Variants in DOCK10 observed in about 807,000 individuals in gnomAD.
DOCK10 encodes the protein dedicator of cytokinesis protein 10.
DOCK10 carries 145 observed loss-of-function variants against 280.1 expected under a neutral mutation model. That is an observed-to-expected ratio of 0.52 (90% CI 0.45 to 0.59). The LOEUF is 0.59. Among genes scored for constraint, DOCK10 ranks in the 20% least tolerant of loss-of-function variants. The probability of loss-of-function intolerance (pLI) is 0.00; values close to 1 mark genes in which losing one functional copy is unlikely to be tolerated. For synonymous variants in DOCK10, 915 were observed against 942.2 expected (o/e 0.97, Z 0.53); for missense variants, 2,368 against 2,651.7 (o/e 0.89, Z 2.35).
rs777865939 is a variant in DOCK10 at position 224,787,105 on chromosome 2, G to A, written c.5572C>T (p.Arg1858Trp). 15 of 1,613,792 alleles carry A rather than the reference G, an allele frequency of 9.3e-6. No individual in the cohort carries two copies. In the Middle Eastern group the frequency reaches 6.6e-4, roughly 71 times the overall value. ...KLSDLYYDIH[R>W]SYLKVAEVVN... ...ACCTCTGCCACTTTCAGATATGACCGATGAATGTCGTAGTAGAGATCTGAC... is the reference window on the plus strand; with the variant it reads ...ACCTCTGCCACTTTCAGATATGACCAATGAATGTCGTAGTAGAGATCTGAC... The change falls in exon 50 of 56, where the codon CGG (arginine) becomes TGG (tryptophan). Residue 1858 changes from arginine (R) to tryptophan (W), a missense_variant. This residue lies in a region of DOCK10 where 1,159 missense variants were observed against 1,400.8 expected (regional missense o/e 0.83). Coordinates refer to ENST00000258390, the MANE Select transcript of DOCK10 (RefSeq NM_014689.3).
intron 1 of DOCK10, among the ~76,000 whole-genome samples, chr2:224,989,639 TC>T (rs1232161731): frequency 6.6e-6 from 1 of 152,180 alleles, no homozygotes; most frequent in Non-Finnish European, 1.5e-5. Context: ...AGAATCTTCT[TC>T]CGTGTCTGTT....
chr2:224,870,814 C>CCTTTTTTTTT (rs1559614196), intron 11 of DOCK10, among the ~76,000 whole-genome samples: 3 of 106,476 alleles, frequency 2.8e-5, no homozygotes, highest in African/African-American at 1.1e-4. Context: ...ATGGCCACTC[C>CCTTTTTTTTT]ATTTTTTTTT....
At chr2:224,894,196 T>G (rs933433570) in intron 4 of DOCK10, among the ~76,000 whole-genome samples, 3 of 152,224 alleles carry the variant, frequency 2.0e-5, no homozygotes, top group African/African-American at 7.2e-5. Flanking sequence ...TCTTGCAAAC[T>G]ATGAGAATTG....
chr2:224,921,817 C>A (rs919344313), intron 2 of DOCK10, among the ~76,000 whole-genome samples: 1 of 152,026 alleles, frequency 6.6e-6, no homozygotes, highest in African/African-American at 2.4e-5. Context: ...AGTGCAAGGA[C>A]AGCCAGGCGC....
intron 1 of DOCK10, among the ~76,000 whole-genome samples, chr2:224,955,400 T>C (rs1284520463): frequency 6.6e-6 from 1 of 152,188 alleles, no homozygotes; most frequent in Admixed American, 6.5e-5. Context: ...TAAGCAATTT[T>C]GAGAAGGAAA....
chr2:224,825,462 A>G (rs1412408939), intron 27 of DOCK10, among the ~76,000 whole-genome samples: 1 of 152,244 alleles, frequency 6.6e-6, no homozygotes, highest in Non-Finnish European at 1.5e-5. Context: ...AACTTGGGTA[A>G]TAAAGGTAAA....
intron 1 of DOCK10, among the ~76,000 whole-genome samples, chr2:225,015,527 T>A (rs1195850367): frequency 6.6e-6 from 1 of 152,126 alleles, no homozygotes; most frequent in Non-Finnish European, 1.5e-5. Context: ...AGTCTGTGCC[T>A]CCCCACTCTC....
intron 3 of DOCK10, among the ~76,000 whole-genome samples, chr2:224,910,077 T>C (rs1700924024): frequency 6.6e-6 from 1 of 152,218 alleles, no homozygotes; most frequent in African/African-American, 2.4e-5. Context: ...ACTAGATTCT[T>C]GCCAATCTGT....
rs745695619 is a variant in DOCK10 at position 224,837,800 on chromosome 2, C to G, written c.2812G>C (p.Glu938Gln). The G allele has an allele frequency of 5.6e-6, 9 of 1,613,832 alleles. No homozygotes were observed. The South Asian group carries it at 9.9e-5, about 18-fold the overall frequency. Residue 938 changes from glutamate (E) to glutamine (Q), a missense_variant, in exon 25 of 56, where the codon GAG becomes CAG. Physicochemically the swap from Glu to Gln is conservative, Grantham distance 29. Coordinates refer to ENST00000258390, the MANE Select transcript of DOCK10 (RefSeq NM_014689.3). The part of the protein sequence containing the change: ...VLTDIVAKCH[E>Q]EQLDHSVQSY... ...TGGACAGAATGATCCAGCTGCTCCT[C>G]ATGGCACTTGGCCACAATGTCGGTC...
Position 224,778,263 on chromosome 2 carries a change from C to T in DOCK10, c.5677G>A (p.Gly1893Ser), listed in dbSNP as rs542085964. 17 of 1,603,002 alleles carry T rather than the reference C, an allele frequency of 1.1e-5. No homozygotes were observed. The highest frequency in any genetic ancestry group is 1.4e-5 in the Non-Finnish European group (16 of 1,173,812). The change falls in exon 51 of 56, where the codon GGT (glycine) becomes AGT (serine). Residue 1893 changes from glycine to serine, a missense_variant. Physicochemically the swap from Gly to Ser is moderately conservative, Grantham distance 56 (BLOSUM62 0). Around this residue, in one of 2 missense-constraint regions of DOCK10, gnomAD observed 1,159 missense variants for 1,400.8 expected, o/e 0.83. Coordinates refer to ENST00000258390, the MANE Select transcript of DOCK10 (RefSeq NM_014689.3). ...GGCTCTTTATAAATATACTCTTTACCTTCTTCTTCTTCAAAAAAGCCCTAT... is the reference window on the plus strand; with the variant it reads ...GGCTCTTTATAAATATACTCTTTACTTTCTTCTTCTTCAAAAAAGCCCTAT... The part of the protein sequence containing the change: ...YGQGFFEEEE[G>S]KEYIYKEPKL...
chr2:224,956,393 G>A (rs938792827), intron 1 of DOCK10, among the ~76,000 whole-genome samples: 10 of 152,098 alleles, frequency 6.6e-5, no homozygotes, highest in African/African-American at 2.4e-4. Flanking sequence ...GAGGCCAAAG[G>A]TGGGTGGATC....
At position 224,849,618 on chromosome 2, in the gene DOCK10, G is replaced by T; in HGVS notation, c.2143-19C>A. On this transcript the variant is annotated intron_variant, in intron 18 of 55. Transcript: ENST00000258390. ...AAATACACTGTTTGAAAAGTTATGA[G>T]TTGAACAATTATGAGTGTCTGAAAT... 4.6e-6 allele frequency: 7 copies of T among 1,532,342 alleles called. No homozygotes were observed. The highest frequency in any genetic ancestry group is 5.4e-6 in the Non-Finnish European group (6 of 1,118,258). The allele number at this position is 1,532,342 out of a possible 1,614,324, so 94.9% of individuals were successfully genotyped here. A position where few individuals can be genotyped will look rare whatever the true frequency, so the allele number is the denominator to read the frequency against.
intron 1 of DOCK10, among the ~76,000 whole-genome samples, chr2:225,014,081 A>ATATATATATATATATATT (rs776104946): frequency 5.7e-4 from 55 of 96,810 alleles, no homozygotes; most frequent in African/African-American, 2.3e-3. Context: ...GTCTGAATAT[A>ATATATATATATATATATT]TTGTTTTTTT....
At chr2:224,837,654 G>A (rs1043223735) in intron 25 of DOCK10, 108 bp downstream of exon 25, 2 of 828,014 alleles carry the variant, frequency 2.4e-6, no homozygotes, top group Non-Finnish European at 4.1e-6. Context: ...TACTGTGGTG[G>A]GCGCCACTCA....
At chr2:225,036,195 A>C (rs1690255927) in intron 1 of DOCK10, among the ~76,000 whole-genome samples, 1 of 152,200 alleles carries the variant, frequency 6.6e-6, no homozygotes, top group African/African-American at 2.4e-5. Context: ...CAATTATTTA[A>C]GTCTGTTATG....
At chr2:224,933,279 C>T (rs536105226) in intron 1 of DOCK10, among the ~76,000 whole-genome samples, 4 of 152,264 alleles carry the variant, frequency 2.6e-5, no homozygotes, top group Admixed American at 6.5e-5. Flanking sequence ...AGTTCTAATT[C>T]CTTATTTCCC....
intron 55 of DOCK10, among the ~76,000 whole-genome samples, chr2:224,767,795 C>T (rs1051492249): frequency 3.3e-5 from 5 of 152,236 alleles, no homozygotes; most frequent in Non-Finnish European, 4.4e-5. Flanking sequence ...CATCAACTCT[C>T]ACTTCTAGTG....
intron 3 of DOCK10, among the ~76,000 whole-genome samples, chr2:224,906,636 GC>G (rs1700657364): frequency 6.6e-6 from 1 of 152,074 alleles, no homozygotes. Flanking sequence ...CTGCCACCAT[GC>G]CCAGCTAATT....
intron 13 of DOCK10, among the ~76,000 whole-genome samples, 171 bp from the exon 14 acceptor site, chr2:224,862,917 C>G (rs1574955871): frequency 6.6e-6 from 1 of 152,182 alleles, no homozygotes; most frequent in African/African-American, 2.4e-5. Context: ...TGTGTTCAAA[C>G]TATTGTATAA....
Sources: allele counts gnomAD v4.1 joint callset (sites outside exome capture counted in the v4.1 genomes callset), GRCh38; gene constraint gnomAD v4.1.1; regional missense constraint gnomAD v4.1.1; transcripts MANE v1.5; gene names NCBI Gene and HGNC (gene_info 2026-07-23, HGNC 2026-07-21).